The following EDARADD variants were observed in gnomAD, a reference collection of about 807,000 sequenced individuals.
EDARADD encodes ectodysplasin-A receptor-associated adapter protein.
Under a neutral mutation model 25.6 loss-of-function variants are expected in EDARADD, and 20 were observed. The observed-to-expected ratio is 0.78, with a 90% CI of 0.55 to 1.14. The LOEUF is 1.14. Ranked by LOEUF, EDARADD falls within the 50% of genes most tolerant of loss-of-function variation. The pLI, the probability that EDARADD is intolerant of heterozygous loss-of-function variation, is 0.00. For synonymous variants in EDARADD, 86 were observed against 94.4 expected, an observed-to-expected ratio of 0.91 and a Z score of 0.52; for missense variants, 225 against 270.1, an observed-to-expected ratio of 0.83 and a Z score of 1.17.
chr1:236,431,895 T>C (rs1490973946), intron 4 of EDARADD, among the ~76,000 whole-genome samples: 2 of 38,278 alleles, frequency 5.2e-5, no homozygotes, highest in African/African-American at 1.0e-4. Context: ...CAGTCCGCAG[T>C]CCGACCTGGG....
In EDARADD at chr1:236,355,500, C is replaced by CTTT. The variant is rs563976436; in HGVS notation, c.-6+4685_-6+4687dup. Among the ~76,000 whole-genome samples, 458 of 73,182 alleles carry CTTT rather than the reference C, an allele frequency of 6.3e-3. 72 individuals are homozygous for CTTT. Among genetic ancestry groups the CTTT allele is most frequent in the African/African-American group, 0.014 (277 of 19,266 alleles). 48.0% of individuals were successfully genotyped at this position (73,182 alleles called of 152,430 possible). On this transcript the variant is annotated intron_variant, in intron 3 of 7. Coordinates refer to the EDARADD transcript ENST00000439430. ...CACTCATTCTCTTCTGCTTCTTCTTCTTTTTTTTTTTTTTTTTTTTTTTTT... is the reference window on the plus strand; with the variant it reads ...CACTCATTCTCTTCTGCTTCTTCTTCTTTTTTTTTTTTTTTTTTTTTTTTTTTT...
At chr1:236,356,517 G>A (rs1487119755) in intron 3 of EDARADD, among the ~76,000 whole-genome samples, 1 of 152,160 alleles carries the variant, frequency 6.6e-6, no homozygotes, top group East Asian at 1.9e-4. Context: ...CAAGGGGCCT[G>A]TGAGGTCAAA....
chr1:236,357,291 T>C (rs756209783), intron 3 of EDARADD, among the ~76,000 whole-genome samples: 1 of 152,154 alleles, frequency 6.6e-6, no homozygotes, highest in Non-Finnish European at 1.5e-5. Flanking sequence ...ATCAGCAGGC[T>C]TTTTCACAAA....
chr1:236,432,292 G>A (rs1658116823), intron 4 of EDARADD, among the ~76,000 whole-genome samples: 1 of 151,918 alleles, frequency 6.6e-6, no homozygotes, highest in South Asian at 2.1e-4. Context: ...AGGAGGCTGA[G>A]GTGAGAGGAT....
chr1:236,349,801 A>T (rs192475164), intron 2 of EDARADD, among the ~76,000 whole-genome samples: 38 of 152,216 alleles, frequency 2.5e-4, no homozygotes, highest in African/African-American at 7.9e-4. Flanking sequence ...AAGGAAGGAA[A>T]AAAAAAGGGC....
At chr1:236,349,705 T>C (rs1216127993) in intron 2 of EDARADD, among the ~76,000 whole-genome samples, 2 of 152,010 alleles carry the variant, frequency 1.3e-5, no homozygotes, top group Non-Finnish European at 2.9e-5. Context: ...ATAGCAGACT[T>C]CAGAGACAGC....
At chr1:236,371,819 G>A (rs972681833) in intron 3 of EDARADD, among the ~76,000 whole-genome samples, 2 of 152,050 alleles carry the variant, frequency 1.3e-5, no homozygotes, top group Admixed American at 1.3e-4. Flanking sequence ...TGATCTGCCC[G>A]CCTTGGCCTC....
Position 236,445,231 on chromosome 1 carries a change from A to ATTTTTTTTTTTTTTTT in EDARADD, c.219+17783_219+17784insTTTTTTTTTTTTTTTT, listed in dbSNP as rs1415805260. ...TATTGCATTAGCTGGGACATAATAA[A>ATTTTTTTTTTTTTTTT]TTCTTTTTTTTTTTGAGACAGAGTC... On this transcript the variant is annotated intron_variant, in intron 4 of 5. Transcript: ENST00000334232. Among the ~76,000 whole-genome samples the ATTTTTTTTTTTTTTTT allele has an allele frequency of 8.7e-4, 41 of 47,264 alleles. 3 individuals carry two copies. The highest frequency in any genetic ancestry group is 1.6e-3 in the South Asian group (2 of 1,272). The allele number at this position is 47,264 out of a possible 152,430, so 31.0% of individuals were successfully genotyped here.
At position 236,483,022 on chromosome 1, in the gene EDARADD, A is replaced by G. The variant is rs2103043004; in HGVS notation, c.*373A>G. The G allele has an allele frequency of 4.7e-6, 3 of 632,476 alleles. No individual in the cohort carries two copies. In the East Asian group the frequency reaches 8.2e-5, roughly 17 times the overall value. 39.2% of individuals were successfully genotyped at this position (632,476 alleles called of 1,614,324 possible). A position where few individuals can be genotyped will look rare whatever the true frequency, so the allele number is the denominator to read the frequency against. On this transcript the variant is annotated 3_prime_UTR_variant, in exon 6 of 6. Coordinates refer to ENST00000334232, the MANE Select transcript of EDARADD (RefSeq NM_145861.4). ...ACTGTTGATAGCCCCAGACATACCC[A>G]CAGCATTATATGTAACATCTCTCCT...
chr1:236,393,304 T>A (rs1282477583), upstream of EDARADD, among the ~76,000 whole-genome samples: 1 of 151,942 alleles, frequency 6.6e-6, no homozygotes, highest in African/African-American at 2.4e-5. Context: ...TATGGAAATA[T>A]GAAATTTTTC....
intron 3 of EDARADD, among the ~76,000 whole-genome samples, chr1:236,364,875 C>A (rs1390098285): frequency 1.3e-5 from 2 of 152,018 alleles, no homozygotes; most frequent in Admixed American, 1.3e-4. Flanking sequence ...CTTTTTATTT[C>A]TTTTTCTTGG....
At chr1:236,355,116 T>G (rs1360528079) in intron 3 of EDARADD, among the ~76,000 whole-genome samples, 5 of 152,220 alleles carry the variant, frequency 3.3e-5, no homozygotes, top group African/African-American at 1.2e-4. Context: ...CTGGTGGTCT[T>G]TTGGACCATA....
intron 4 of EDARADD, among the ~76,000 whole-genome samples, chr1:236,440,625 G>A (rs1464121813): frequency 2.0e-5 from 3 of 151,280 alleles, no homozygotes; most frequent in South Asian, 2.1e-4. Context: ...TGTGTCAAGC[G>A]ACTCTTGCTG....
In EDARADD at chr1:236,483,448, T is replaced by A; in HGVS notation, c.*799T>A. ...CAAGAGAAGATTGACAAACTTATGA[T>A]AGAGATGGATGGAACAGAAAATAAA... On this transcript the variant is annotated 3_prime_UTR_variant, in exon 6 of 6. Coordinates refer to ENST00000334232, the MANE Select transcript of EDARADD (RefSeq NM_145861.4). The A allele has an allele frequency of 9.5e-7, 1 of 1,049,010 alleles. No individual in the cohort carries two copies. Among genetic ancestry groups the A allele is most frequent in the Non-Finnish European group, 1.5e-6 (1 of 667,030 alleles). 65.0% of individuals were successfully genotyped at this position (1,049,010 alleles called of 1,614,324 possible).
chr1:236,476,451 C>T (rs568018920), intron 5 of EDARADD, among the ~76,000 whole-genome samples: 3 of 151,944 alleles, frequency 2.0e-5, no homozygotes, highest in Non-Finnish European at 2.9e-5. Flanking sequence ...TTCGGGAGGC[C>T]GAGGCAGGTG....
At chr1:236,425,940 C>T (rs1657906763) in intron 3 of EDARADD, among the ~76,000 whole-genome samples, 1 of 151,302 alleles carries the variant, frequency 6.6e-6, no homozygotes, top group African/African-American at 2.4e-5. Flanking sequence ...TTCATTATGC[C>T]AGTTGTTTCT....
chr1:236,395,625 C>T lies in EDARADD; in HGVS notation c.61+1120C>T. On this transcript the variant is annotated intron_variant, in intron 1 of 5. Transcript: ENST00000334232. The surrounding 1 kb of genome is among the most constrained non-coding windows in gnomAD (Gnocchi z 6.9). The stretch of plus-strand genomic sequence containing the variant: ...CGGACGCTCGTTTGCCCCTAACCCG[C>T]CGCCATGGCTTCACCGGACGACCCT... 1 of 1,571,032 alleles carries T rather than the reference C, an allele frequency of 6.4e-7. No homozygotes were observed. The highest frequency in any genetic ancestry group is 1.3e-5 in the African/African-American group (1 of 74,116).
At chr1:236,478,966 A>G (rs937440476) in intron 5 of EDARADD, among the ~76,000 whole-genome samples, 1 of 152,170 alleles carries the variant, frequency 6.6e-6, no homozygotes, top group Non-Finnish European at 1.5e-5. Flanking sequence ...GAGTTATGCT[A>G]TGAGGACGCA....
At position 236,386,277 on chromosome 1, in the gene EDARADD, C is replaced by T. The variant is rs1345276321; in HGVS notation, c.-5-22939C>T. Among the ~76,000 whole-genome samples the T allele has an allele frequency of 1.2e-4, 4 of 32,972 alleles. 2 individuals are homozygous for T. The highest frequency in any genetic ancestry group is 2.8e-4 in the Non-Finnish European group (4 of 14,434). The allele number at this position is 32,972 out of a possible 152,430, so 21.6% of individuals were successfully genotyped here. ...TCGGCTCGCTACAACCTCCACCTCCCAGCCGCCTGCCTTGGCCTCCCAAAG... is the reference window on the plus strand; with the variant it reads ...TCGGCTCGCTACAACCTCCACCTCCTAGCCGCCTGCCTTGGCCTCCCAAAG... On this transcript the variant is annotated intron_variant, in intron 3 of 7. Coordinates refer to the EDARADD transcript ENST00000439430.
Sources: allele counts gnomAD v4.1 joint callset (sites outside exome capture counted in the v4.1 genomes callset), GRCh38; gene constraint gnomAD v4.1.1; non-coding constraint Gnocchi (gnomAD v3.1); transcripts MANE v1.5; gene names NCBI Gene and HGNC (gene_info 2026-07-23, HGNC 2026-07-21).